The following SNRPD3 variants were observed in gnomAD, a reference collection of about 807,000 sequenced individuals.
SNRPD3 encodes small nuclear ribonucleoprotein D3 polypeptide.
For missense variants in SNRPD3, 73 were observed against 167.5 expected (o/e 0.44, Z 3.11); for synonymous variants, 66 against 58.4 (o/e 1.13, Z -0.59).
intron 2 of SNRPD3, among the ~76,000 whole-genome samples, chr22:24,565,687 G>A (rs932303880): frequency 1.3e-5 from 2 of 152,028 alleles, no homozygotes; most frequent in Admixed American, 6.6e-5. Flanking sequence ...TTGAGACGGC[G>A]TCTTGCTCTG....
chr22:24,564,883 C>CTTTTTTT (rs371010665), intron 2 of SNRPD3, among the ~76,000 whole-genome samples: 5 of 127,156 alleles, frequency 3.9e-5, no homozygotes, highest in Non-Finnish European at 6.8e-5. Flanking sequence ...TTGCCTTGTT[C>CTTTTTTT]ATTTTTTTTT....
chr22:24,555,689 G>A (rs2045043314), upstream of SNRPD3: 2 of 1,550,522 alleles, frequency 1.3e-6, no homozygotes, highest in African/African-American at 1.4e-5. Flanking sequence ...TGCTGTCCCC[G>A]GTCTGAGGGC....
chr22:24,574,302 T>G lies in SNRPD3; in HGVS notation c.*2325T>G, dbSNP rs1461800487. Among the ~76,000 whole-genome samples, 1 of 152,192 alleles carries G rather than the reference T, an allele frequency of 6.6e-6. No individual in the cohort carries two copies. The highest frequency in any genetic ancestry group is 1.9e-4 in the East Asian group (1 of 5,204). On this transcript the variant is annotated 3_prime_UTR_variant, in exon 4 of 4. Coordinates refer to ENST00000215829, the MANE Select transcript of SNRPD3 (RefSeq NM_004175.5). ...CCTAGATCTGAAAAGTGAAGGGGGATCAACCTAAAATATGTAGCTTTGTAA... is the reference window on the plus strand; with the variant it reads ...CCTAGATCTGAAAAGTGAAGGGGGAGCAACCTAAAATATGTAGCTTTGTAA...
chr22:24,564,328 T>G (rs1242715523), intron 2 of SNRPD3, among the ~76,000 whole-genome samples: 1 of 152,286 alleles, frequency 6.6e-6, no homozygotes, highest in African/African-American at 2.4e-5. Context: ...ATTCTCTCTC[T>G]CCCCCTCAGG....
At chr22:24,567,857 T>C in intron 2 of SNRPD3, 127 bp from the exon 3 acceptor site, 2 of 685,054 alleles carry the variant, frequency 2.9e-6, no homozygotes, top group East Asian at 5.3e-5. Flanking sequence ...CGATGATTGC[T>C]GGGTAATTCA....
At chr22:24,556,207 G>T (rs1437405063) in intron 1 of SNRPD3, 136 bp downstream of exon 1, 2 of 354,776 alleles carry the variant, frequency 5.6e-6, no homozygotes, top group African/African-American at 4.2e-5. Flanking sequence ...AAACATCAGC[G>T]TCGCCTCACT....
chr22:24,564,224 G>C (rs1311653817), intron 2 of SNRPD3, among the ~76,000 whole-genome samples: 1 of 152,176 alleles, frequency 6.6e-6, no homozygotes, highest in Non-Finnish European at 1.5e-5. Context: ...TGACAGGCCT[G>C]AGACACCCCA....
intron 3 of SNRPD3, among the ~76,000 whole-genome samples, chr22:24,569,565 G>A (rs1252605885): frequency 6.6e-6 from 1 of 152,190 alleles, no homozygotes; most frequent in East Asian, 1.9e-4. Context: ...CCAGCTGGGT[G>A]TCCTTCAGTT....
chr22:24,571,405 C>T (rs1375815633), intron 3 of SNRPD3, among the ~76,000 whole-genome samples: 1 of 152,052 alleles, frequency 6.6e-6, no homozygotes, highest in Admixed American at 6.6e-5. Context: ...GATGCCAGTC[C>T]CCAGCCCCTG....
At chr22:24,562,237 G>A (rs1432153306) in intron 2 of SNRPD3, among the ~76,000 whole-genome samples, 1 of 152,150 alleles carries the variant, frequency 6.6e-6, no homozygotes, top group Non-Finnish European at 1.5e-5. Flanking sequence ...AAGCAAAAAA[G>A]TTTAAAAATT....
At chr22:24,556,103 G>A (rs2045057659) in intron 1 of SNRPD3, 32 bp downstream of exon 1, 1 of 562,272 alleles carries the variant, frequency 1.8e-6, no homozygotes, top group Non-Finnish European at 3.2e-6. Flanking sequence ...GGGAGGTCGA[G>A]GCGCCTGTGA....
upstream of SNRPD3, chr22:24,555,798 C>T: frequency 6.5e-7 from 1 of 1,548,824 alleles, no homozygotes; most frequent in Non-Finnish European, 8.7e-7. Flanking sequence ...CCCCAAGGGT[C>T]GTTGCGGCGG....
chr22:24,556,281 C>T lies in SNRPD3; in HGVS notation c.-19+210C>T, dbSNP rs147531403. On this transcript the variant is annotated intron_variant, in intron 1 of 3. Coordinates refer to ENST00000215829, the MANE Select transcript of SNRPD3 (RefSeq NM_004175.5). ...TGCATGCTTCTCACATTCTGTATCT[C>T]TCCAGGTGAGTGTTTTTCAAAGCTT... Among the ~76,000 whole-genome samples, 191 of 152,284 alleles carry T rather than the reference C, an allele frequency of 1.3e-3. 1 individual carries two copies. Among genetic ancestry groups the T allele is most frequent in the African/African-American group, 4.2e-3 (175 of 41,538 alleles).
chr22:24,568,498 G>A (rs574218986), intron 3 of SNRPD3, among the ~76,000 whole-genome samples: 1 of 151,768 alleles, frequency 6.6e-6, no homozygotes, highest in Non-Finnish European at 1.5e-5. Flanking sequence ...GCACTGCCCT[G>A]CCTAGCTAAT....
intron 3 of SNRPD3, among the ~76,000 whole-genome samples, chr22:24,569,088 C>T (rs951087175): frequency 3.3e-5 from 5 of 152,056 alleles, no homozygotes; most frequent in Admixed American, 6.6e-5. Context: ...AGACACAGCC[C>T]GGAGCAGATG....
At position 24,573,232 on chromosome 22, in the gene SNRPD3, A is replaced by G. The variant is rs879843804; in HGVS notation, c.*1255A>G. ...AGAAAAATAAGTAGTAGTAAAGAGT[A>G]TAAGATACACAGGGTGAATAATTGT... On this transcript the variant is annotated 3_prime_UTR_variant, in exon 4 of 4. Coordinates refer to ENST00000215829, the MANE Select transcript of SNRPD3 (RefSeq NM_004175.5). Among the ~76,000 whole-genome samples, 4 of 152,116 alleles carry G rather than the reference A, an allele frequency of 2.6e-5. No homozygotes were observed. Among genetic ancestry groups the G allele is most frequent in the Non-Finnish European group, 5.9e-5 (4 of 68,020 alleles).
At chr22:24,564,766 C>A (rs2045179577) in intron 2 of SNRPD3, among the ~76,000 whole-genome samples, 1 of 152,032 alleles carries the variant, frequency 6.6e-6, no homozygotes, top group Non-Finnish European at 1.5e-5. Flanking sequence ...GGGAGTGTGG[C>A]TTAGCAGTGG....
In SNRPD3 at chr22:24,572,037, G is replaced by C. The variant is rs1400936941; in HGVS notation, c.*60G>C. On this transcript the variant is annotated 3_prime_UTR_variant, in exon 4 of 4. Transcript: ENST00000215829. ...TTTCAGGTTATCTGAGTTCATTGGA[G>C]TGGGTGCTTGTGCATATATGCTAGG... 1.2e-6 allele frequency: 2 copies of C among 1,604,828 alleles called. No individual in the cohort carries two copies. Among genetic ancestry groups the C allele is most frequent in the Non-Finnish European group, 1.7e-6 (2 of 1,175,294 alleles).
chr22:24,557,510 G>GTT, intron 1 of SNRPD3, 147 bp from the exon 2 acceptor site: 1 of 410,740 alleles, frequency 2.4e-6, no homozygotes, highest in Non-Finnish European at 4.0e-6. Flanking sequence ...CAGGAGCTGA[G>GTT]CTTTTTTTTT....
Sources: gnomAD v4.1 joint callset for allele counts (sites outside exome capture counted in the v4.1 genomes callset) on GRCh38, gnomAD v4.1.1 for gene constraint, MANE v1.5 for transcripts, NCBI Gene and HGNC (gene_info 2026-07-23, HGNC 2026-07-21) for gene names.